The following ARID1B variants were observed in gnomAD, a reference collection of about 807,000 sequenced individuals.
ARID1B encodes the protein AT-rich interaction domain 1B.
Under a neutral mutation model 212.3 loss-of-function variants are expected in ARID1B, and 30 were observed. The observed-to-expected ratio is 0.14, with a 90% CI of 0.11 to 0.19. The LOEUF (loss-of-function observed/expected upper bound fraction) is 0.19. Among genes scored for constraint, ARID1B ranks in the 10% least tolerant of loss-of-function variants. The pLI is 1.00. For missense variants in ARID1B, 2,891 were observed against 3,204.0 expected, an observed-to-expected ratio of 0.90 and a Z score of 2.36; for synonymous variants, 1,402 against 1,301.7, an observed-to-expected ratio of 1.08 and a Z score of -1.66.
intron 4 of ARID1B, among the ~76,000 whole-genome samples, chr6:157,028,340 G>A (rs193092702): frequency 2.8e-4 from 42 of 152,220 alleles, no homozygotes; most frequent in Non-Finnish European, 4.6e-4. Context: ...AGAAGAAATA[G>A]TTATTAATTT....
chr6:156,977,173 G>T, intron 4 of ARID1B: 1 of 189,978 alleles, frequency 5.3e-6, no homozygotes. Context: ...TTTTCTTTGT[G>T]TGTCTTTTGG....
At chr6:157,107,929 G>C (rs1786610895) in intron 5 of ARID1B, 1 of 152,056 alleles carries the variant, frequency 6.6e-6, no homozygotes, top group Non-Finnish European at 1.5e-5. Context: ...TCTTTACATG[G>C]GCCAAGGACA....
intron 4 of ARID1B, chr6:157,024,598 C>T (rs111658806): frequency 6.6e-6 from 1 of 152,304 alleles, no homozygotes; most frequent in African/African-American, 2.4e-5. Flanking sequence ...CCCATCTCTA[C>T]TTAAAAAACA....
intron 4 of ARID1B, among the ~76,000 whole-genome samples, chr6:157,020,758 C>G (rs1333305293): frequency 6.6e-6 from 1 of 152,210 alleles, no homozygotes; most frequent in African/African-American, 2.4e-5. Context: ...TACCTCTCCC[C>G]TTATATAACT....
At chr6:156,787,367 T>G (rs929961807) in intron 1 of ARID1B, among the ~76,000 whole-genome samples, 1 of 152,214 alleles carries the variant, frequency 6.6e-6, no homozygotes, top group Non-Finnish European at 1.5e-5. Context: ...GAGGCATTGA[T>G]GATTAGTGGA....
At chr6:157,010,229 G>A (rs1779490943) in intron 4 of ARID1B, among the ~76,000 whole-genome samples, 1 of 147,978 alleles carries the variant, frequency 6.8e-6, no homozygotes, top group Admixed American at 6.7e-5. Context: ...CTCCTGATCA[G>A]TAAAATTCTA....
At chr6:157,026,330 C>T (rs12212999) in intron 4 of ARID1B, among the ~76,000 whole-genome samples, 40,341 of 152,136 alleles carry the variant, frequency 0.27, 5,817 homozygotes, top group Non-Finnish European at 0.32. Context: ...CCAAAAGACT[C>T]GTCTTTTCCA....
chr6:157,039,362 C>T (rs1445420245), intron 4 of ARID1B, among the ~76,000 whole-genome samples: 2 of 85,188 alleles, frequency 2.3e-5, no homozygotes, highest in South Asian at 2.8e-4. Flanking sequence ...CTCGCTCTGT[C>T]GCCCAGGCCG....
At chr6:157,016,989 A>G (rs1002377987) in intron 4 of ARID1B, among the ~76,000 whole-genome samples, 13 of 152,250 alleles carry the variant, frequency 8.5e-5, no homozygotes, top group Non-Finnish European at 1.6e-4. Flanking sequence ...GGTTGAAATG[A>G]TAAAATTTGG....
chr6:157,120,479 G>A (rs889361999), intron 6 of ARID1B, among the ~76,000 whole-genome samples: 1 of 152,204 alleles, frequency 6.6e-6, no homozygotes, highest in Non-Finnish European at 1.5e-5. Context: ...CCTTGAACGG[G>A]CCATTAGTTC....
At chr6:156,897,264 C>CTTCTTCTTCTTATTA (rs71027320) in intron 2 of ARID1B, among the ~76,000 whole-genome samples, 838 of 83,528 alleles carry the variant, frequency 0.01, 8 homozygotes, top group Middle Eastern at 0.026. Flanking sequence ...TCTTCTTCTT[C>CTTCTTCTTCTTATTA]TTATTATTAT....
At chr6:156,932,268 G>A (rs566713483) in intron 3 of ARID1B, among the ~76,000 whole-genome samples, 38 of 151,842 alleles carry the variant, frequency 2.5e-4, no homozygotes, top group Middle Eastern at 6.8e-3. Context: ...CCTTTGACTC[G>A]TAACATAAAG....
rs1438519800 is a variant in ARID1B, at chr6:157,209,344, A to G, written c.*1453A>G. On this transcript the variant is annotated 3_prime_UTR_variant, in exon 20 of 20. Transcript: ENST00000636930. ...TCAAGTTATTTACAAGAAATAGGGG[A>G]ATGCAGCAGTGTATTCACATTATAA... is the stretch of plus-strand genomic sequence containing the variant. The G allele has an allele frequency of 4.3e-6, 1 of 232,568 alleles. No individual in the cohort carries two copies. The highest frequency in any genetic ancestry group is 8.5e-6 in the Non-Finnish European group (1 of 117,420). The allele number at this position is 232,568 out of a possible 1,614,324, so 14.4% of individuals were successfully genotyped here.
At chr6:156,856,700 TCACACACACACACACACACACA>T (rs141705209) in intron 2 of ARID1B, among the ~76,000 whole-genome samples, 1 of 114,648 alleles carries the variant, frequency 8.7e-6, no homozygotes, top group African/African-American at 3.5e-5. Flanking sequence ...TCTCTCTCTC[TCACACACACACACACACACACA>T]CACACACACA....
chr6:156,972,746 T>G (rs1278039537), intron 4 of ARID1B, among the ~76,000 whole-genome samples: 1 of 152,172 alleles, frequency 6.6e-6, no homozygotes, highest in Non-Finnish European at 1.5e-5. Flanking sequence ...GACTTAGAAA[T>G]CAGACTGATT....
chr6:157,136,632 C>T (rs1472487876), intron 7 of ARID1B, among the ~76,000 whole-genome samples: 2 of 152,158 alleles, frequency 1.3e-5, no homozygotes, highest in South Asian at 2.1e-4. Flanking sequence ...GAGTCCGAGA[C>T]GGGTGGATCA....
At chr6:156,996,122 T>C (rs1320425912) in intron 4 of ARID1B, among the ~76,000 whole-genome samples, 2 of 152,212 alleles carry the variant, frequency 1.3e-5, no homozygotes, top group Non-Finnish European at 2.9e-5. Context: ...ATATCTTCTA[T>C]CCTCCAAAAT....
intron 13 of ARID1B, among the ~76,000 whole-genome samples, chr6:157,188,061 G>C (rs552588832): frequency 1.2e-4 from 19 of 152,088 alleles, no homozygotes; most frequent in African/African-American, 4.6e-4. Flanking sequence ...CGCAAATTTG[G>C]TTTGTAAGTA....
At chr6:156,992,530 T>C (rs183645068) in intron 4 of ARID1B, among the ~76,000 whole-genome samples, 58 of 152,334 alleles carry the variant, frequency 3.8e-4, no homozygotes, top group African/African-American at 1.2e-3. Context: ...GAGTTTTCTG[T>C]TTGTTTTCCT....
Sources: allele counts gnomAD v4.1 joint callset (sites outside exome capture counted in the v4.1 genomes callset), GRCh38; gene constraint gnomAD v4.1.1; transcripts MANE v1.5; gene names NCBI Gene and HGNC (gene_info 2026-07-23, HGNC 2026-07-21).